SLC25A25: variants seen among roughly 807,000 people sequenced by gnomAD.
SLC25A25 encodes solute carrier family 25 member 25, also known as mitochondrial adenyl nucleotide antiporter SLC25A25.
SLC25A25 carries 32 observed loss-of-function variants against 57.7 expected under a neutral mutation model. That is an observed-to-expected ratio of 0.55 (90% CI 0.42 to 0.74). The LOEUF (loss-of-function observed/expected upper bound fraction) is 0.74. Among genes scored for constraint, SLC25A25 ranks in the 30% least tolerant of loss-of-function variants. The pLI is 0.00. For synonymous variants in SLC25A25, 306 were observed against 291.2 expected (o/e 1.05, Z -0.52); for missense variants, 556 against 701.3 (o/e 0.79, Z 2.34).
intron 1 of SLC25A25, chr9:128,098,742 C>T (rs189410854): frequency 1.3e-5 from 21 of 1,612,268 alleles, no homozygotes; most frequent in East Asian, 2.2e-5. Context: ...GGGGTGACCG[C>T]GCGGAAGGGA....
At chr9:128,072,996 T>A (rs1345245739) in intron 1 of SLC25A25, among the ~76,000 whole-genome samples, 1 of 152,198 alleles carries the variant, frequency 6.6e-6, no homozygotes, top group Non-Finnish European at 1.5e-5. Context: ...GAGCTGCAGT[T>A]TGCTCATTTA....
chr9:128,085,575 G>A (rs1170910656), intron 1 of SLC25A25, among the ~76,000 whole-genome samples: 1 of 152,098 alleles, frequency 6.6e-6, no homozygotes, highest in Non-Finnish European at 1.5e-5. Context: ...AGATAAATAA[G>A]GCATGATCGC....
At chr9:128,083,730 G>A (rs1833213231) in intron 1 of SLC25A25, among the ~76,000 whole-genome samples, 1 of 150,050 alleles carries the variant, frequency 6.7e-6, no homozygotes, top group Non-Finnish European at 1.5e-5. Flanking sequence ...GTGTTAGCCA[G>A]GATGGCCTCT....
At chr9:128,068,706 C>T in intron 1 of SLC25A25, 126 bp downstream of exon 1, 2 of 1,077,512 alleles carry the variant, frequency 1.9e-6, no homozygotes, top group South Asian at 2.5e-5. Context: ...TGCCCCCTGA[C>T]TCACTGAGGG....
chr9:128,096,733 G>T (rs1833569654), intron 1 of SLC25A25, among the ~76,000 whole-genome samples: 1 of 152,152 alleles, frequency 6.6e-6, no homozygotes, highest in Non-Finnish European at 1.5e-5. Flanking sequence ...GAGGTCCAAG[G>T]GTTTGAAGTA....
At chr9:128,105,043 G>C (rs1470203594) in intron 6 of SLC25A25, among the ~76,000 whole-genome samples, 5 of 150,544 alleles carry the variant, frequency 3.3e-5, no homozygotes, top group African/African-American at 1.2e-4. Context: ...ATTTTTAGTA[G>C]AGACGAGGTT....
chr9:128,086,446 G>A (rs916536266), intron 1 of SLC25A25, among the ~76,000 whole-genome samples: 6 of 149,218 alleles, frequency 4.0e-5, no homozygotes, highest in Admixed American at 2.0e-4. Flanking sequence ...CAATTCTTCT[G>A]CCTCAGCCTC....
intron 1 of SLC25A25, among the ~76,000 whole-genome samples, chr9:128,094,705 A>G (rs1833510474): frequency 6.6e-6 from 1 of 152,190 alleles, no homozygotes; most frequent in Admixed American, 6.5e-5. Flanking sequence ...CCCTGTTCTT[A>G]TTCATGGTAT....
chr9:128,093,310 A>G (rs529643625), intron 1 of SLC25A25, among the ~76,000 whole-genome samples: 3 of 152,324 alleles, frequency 2.0e-5, no homozygotes, highest in Non-Finnish European at 4.4e-5. Flanking sequence ...ATTGTTTTAG[A>G]CAAGATTGGA....
chr9:128,083,826 A>G (rs1258790102), intron 1 of SLC25A25, among the ~76,000 whole-genome samples: 1 of 151,772 alleles, frequency 6.6e-6, no homozygotes, highest in Non-Finnish European at 1.5e-5. Context: ...CTGAGTGTTA[A>G]TATTTCTAAG....
rs559672264 is a variant in SLC25A25 at position 128,102,032 on chromosome 9, T to G, written c.477-48T>G. 1.9e-6 allele frequency: 3 copies of G among 1,549,748 alleles called. No homozygotes were observed. The South Asian group carries it at 3.6e-5, about 18-fold the overall frequency. ...TCACTAACATGGCTCCGAGCACTTA[T>G]GCGTGTTGTTTCTGCTCTCTCCTCC... On this transcript the variant is annotated intron_variant, in intron 3 of 10. Coordinates refer to ENST00000373069, the MANE Select transcript of SLC25A25 (RefSeq NM_001330988.2). This position sits in a 1 kb window ranked among gnomAD's most constrained non-coding sequence, Gnocchi z 4.1.
chr9:128,068,711 T>A, intron 1 of SLC25A25, 131 bp downstream of exon 1: 1 of 1,023,690 alleles, frequency 9.8e-7, no homozygotes, highest in Non-Finnish European at 1.3e-6. Context: ...CCTGACTCAC[T>A]GAGGGACACC....
At chr9:128,075,392 GT>G (rs1250116191) in intron 1 of SLC25A25, among the ~76,000 whole-genome samples, 1 of 152,032 alleles carries the variant, frequency 6.6e-6, no homozygotes, top group African/African-American at 2.4e-5. Context: ...TGTTCAAAGA[GT>G]TATTACTGGC....
At chr9:128,097,063 AC>A (rs1435357670) in intron 1 of SLC25A25, among the ~76,000 whole-genome samples, 1 of 152,252 alleles carries the variant, frequency 6.6e-6, no homozygotes, top group Non-Finnish European at 1.5e-5. Context: ...CGAGTTAACA[AC>A]AAGCGTTTTA....
Position 128,071,668 on chromosome 9 carries a change from C to G in SLC25A25, c.261+3088C>G, listed in dbSNP as rs1385266249. ...CTCAGATGATCTGCCCGCCTTGGCC[C>G]CCCAAAGCACTGGGATTACAGGCGT... On this transcript the variant is annotated intron_variant, in intron 1 of 10. Coordinates refer to ENST00000373069, the MANE Select transcript of SLC25A25 (RefSeq NM_001330988.2). Among the ~76,000 whole-genome samples, 3 of 150,116 alleles carry G rather than the reference C, an allele frequency of 2.0e-5. No homozygotes were observed. The East Asian group carries it at 5.9e-4, about 29-fold the overall frequency.
intron 1 of SLC25A25, among the ~76,000 whole-genome samples, chr9:128,080,705 G>A (rs573727120): frequency 5.3e-5 from 8 of 152,220 alleles, no homozygotes; most frequent in East Asian, 3.9e-4. Context: ...GATTACAGGC[G>A]TGAGCCACCA....
chr9:128,073,204 T>C (rs1832942275), intron 1 of SLC25A25, among the ~76,000 whole-genome samples: 1 of 152,232 alleles, frequency 6.6e-6, no homozygotes, highest in Non-Finnish European at 1.5e-5. Context: ...TTCCTGCTCC[T>C]CTCCTCCTTA....
chr9:128,071,564 C>G (rs2130781041), intron 1 of SLC25A25, among the ~76,000 whole-genome samples: 1 of 60,910 alleles, frequency 1.6e-5, no homozygotes, highest in East Asian at 5.7e-4. Context: ...CCACGCCCTG[C>G]TAATTTTTTT....
At chr9:128,071,134 A>G (rs1832900047) in intron 1 of SLC25A25, among the ~76,000 whole-genome samples, 1 of 152,194 alleles carries the variant, frequency 6.6e-6, no homozygotes, top group Admixed American at 6.5e-5. Flanking sequence ...AACTAGAGTC[A>G]CAATGTTCTC....
Sources: gnomAD v4.1 joint callset for allele counts (sites outside exome capture counted in the v4.1 genomes callset) on GRCh38, gnomAD v4.1.1 for gene constraint, Gnocchi (gnomAD v3.1) non-coding constraint, MANE v1.5 for transcripts, NCBI Gene and HGNC (gene_info 2026-07-23, HGNC 2026-07-21) for gene names.